RNF115: variants seen among roughly 807,000 people sequenced by gnomAD.
The protein encoded by RNF115 is ring finger protein 115.
A neutral mutation model predicts 39.2 loss-of-function variants in RNF115; 31 were observed. That is an observed-to-expected ratio of 0.79 (90% confidence interval 0.59 to 1.07). The LOEUF is 1.07. Among genes scored for constraint, RNF115 ranks in the 50% least tolerant of loss-of-function variants. The probability of loss-of-function intolerance (pLI) is 0.00; values close to 1 mark genes in which losing one functional copy is unlikely to be tolerated. For missense variants in RNF115, 384 were observed against 381.7 expected (o/e 1.01, Z -0.05); for synonymous variants, 124 against 131.0 (o/e 0.95, Z 0.37).
chr1:145,792,355 G>A (rs587635730), intron 1 of RNF115, among the ~76,000 whole-genome samples: 1 of 152,068 alleles, frequency 6.6e-6, no homozygotes, highest in Admixed American at 6.5e-5. Context: ...TAAAGAGATG[G>A]GGTCTCATTC....
In RNF115 at chr1:145,809,488, A is replaced by ATTTTTT. The variant is rs781918386; in HGVS notation, c.102+14278_102+14283dup. 2.5e-3 allele frequency among the ~76,000 whole-genome samples: 115 copies of ATTTTTT among 46,338 alleles called. 11 individuals carry two copies. Among genetic ancestry groups the ATTTTTT allele is most frequent in the African/African-American group, 0.01 (108 of 10,434 alleles). 30.4% of individuals were successfully genotyped at this position (46,338 alleles called of 152,430 possible). A position where few individuals can be genotyped will look rare whatever the true frequency, so the allele number is the denominator to read the frequency against. ...GCGCCACTGCACCCAGACCCAGCTA[A>ATTTTTT]TTTTTTTTTTTTTTTTTTTTTGGAG... is the stretch of plus-strand genomic sequence containing the variant. On this transcript the variant is annotated intron_variant, in intron 1 of 8. Coordinates refer to ENST00000582693, the MANE Select transcript of RNF115 (RefSeq NM_014455.4).
intron 1 of RNF115, among the ~76,000 whole-genome samples, chr1:145,798,039 A>ATAT (rs1553720361): frequency 6.6e-6 from 1 of 152,084 alleles, no homozygotes; most frequent in East Asian, 1.9e-4. Context: ...TACATTCTGG[A>ATAT]TATTAATACT....
At chr1:145,778,640 C>G (rs782807943) in intron 3 of RNF115, among the ~76,000 whole-genome samples, 1 of 152,138 alleles carries the variant, frequency 6.6e-6, no homozygotes, top group East Asian at 1.9e-4. Context: ...CTCATCACCC[C>G]GAAATGTTTC....
chr1:145,764,992 G>A (rs936677025), intron 4 of RNF115, among the ~76,000 whole-genome samples: 1 of 152,246 alleles, frequency 6.6e-6, no homozygotes, highest in Non-Finnish European at 1.5e-5. Flanking sequence ...GGGGAAAGGT[G>A]GGGAAGGGAT....
At chr1:145,809,035 T>C (rs1553722072) in intron 1 of RNF115, among the ~76,000 whole-genome samples, 1 of 152,144 alleles carries the variant, frequency 6.6e-6, no homozygotes, top group African/African-American at 2.4e-5. Context: ...CTCCTCTTCT[T>C]ATAAGCTCTC....
intron 2 of RNF115, 24 bp from the exon 3 acceptor site, chr1:145,784,620 T>C (rs1648295210): frequency 1.9e-6 from 3 of 1,609,188 alleles, no homozygotes; most frequent in Non-Finnish European, 2.6e-6. Flanking sequence ...GAATGAGTGG[T>C]GATTCTATTC....
intron 4 of RNF115, among the ~76,000 whole-genome samples, chr1:145,767,531 G>T (rs1241771577): frequency 6.6e-6 from 1 of 152,148 alleles, no homozygotes; most frequent in Admixed American, 6.5e-5. Flanking sequence ...CCAGACGATG[G>T]GCGGCCAGGC....
Position 145,787,150 on chromosome 1 carries a change from T to C in RNF115, c.161+1758A>G, listed in dbSNP as rs1355458987. 3 of 567,114 alleles carry C rather than the reference T, an allele frequency of 5.3e-6. No individual in the cohort carries two copies. In the Admixed American group the frequency reaches 7.2e-5, roughly 14 times the overall value. The allele number at this position is 567,114 out of a possible 1,614,324, so 35.1% of individuals were successfully genotyped here. A position where few individuals can be genotyped will look rare whatever the true frequency, so the allele number is the denominator to read the frequency against. Reference sequence around the variant, plus strand: ...GATTAAGAGGCTTCAGATTACAGATTCTTTTTGACCAGTCGGTACTTCTTC... The same window carrying C: ...GATTAAGAGGCTTCAGATTACAGATCCTTTTTGACCAGTCGGTACTTCTTC... On this transcript the variant is annotated intron_variant, in intron 2 of 8. Transcript: ENST00000582693.
intron 4 of RNF115, among the ~76,000 whole-genome samples, chr1:145,755,932 G>T (rs1658280020): frequency 6.6e-6 from 1 of 152,180 alleles, no homozygotes; most frequent in Non-Finnish European, 1.5e-5. Flanking sequence ...TTTCACTTTT[G>T]AAAGTACCTC....
At chr1:145,819,271 C>CAAAAAA (rs59058505) in intron 1 of RNF115, among the ~76,000 whole-genome samples, 3 of 52,256 alleles carry the variant, frequency 5.7e-5, no homozygotes, top group Non-Finnish European at 7.9e-5. Flanking sequence ...CCTTATCTCT[C>CAAAAAA]AAAAAAAAAA....
chr1:145,802,074 C>T lies in RNF115; in HGVS notation c.103-13108G>A, dbSNP rs112548055. Among the ~76,000 whole-genome samples the T allele has an allele frequency of 6.4e-3, 971 of 152,302 alleles. 11 individuals are homozygous for T. The highest frequency in any genetic ancestry group is 0.022 in the African/African-American group (930 of 41,566). ...AAGTGCTGGGATTACAGGCGTGAGC[C>T]ACCACGCCCAGCCGAGTCATTTCTA... On this transcript the variant is annotated intron_variant, in intron 1 of 8. Transcript: ENST00000582693.
chr1:145,769,828 G>A (rs1333670961), intron 4 of RNF115, among the ~76,000 whole-genome samples: 1 of 151,320 alleles, frequency 6.6e-6, no homozygotes, highest in African/African-American at 2.4e-5. Flanking sequence ...TCCAGCCTGG[G>A]CAACCTAGTC....
intron 2 of RNF115, chr1:145,787,038 G>A: frequency 7.8e-7 from 1 of 1,276,538 alleles, no homozygotes; most frequent in African/African-American, 1.5e-5. Flanking sequence ...TTTCCTGGTT[G>A]TGGAAGGGAC....
intron 7 of RNF115, among the ~76,000 whole-genome samples, chr1:145,749,465 A>G (rs181581751): frequency 1.3e-5 from 2 of 152,196 alleles, no homozygotes; most frequent in African/African-American, 4.8e-5. Flanking sequence ...CCTTACCCAA[A>G]CCAGGGTCCA....
chr1:145,749,237 C>T (rs1051537484), intron 7 of RNF115, among the ~76,000 whole-genome samples: 21 of 152,130 alleles, frequency 1.4e-4, no homozygotes, highest in Non-Finnish European at 2.1e-4. Context: ...CACCTTAGCC[C>T]TAATTCTTTT....
chr1:145,783,933 C>T (rs1553717786), intron 3 of RNF115, among the ~76,000 whole-genome samples: 4 of 151,900 alleles, frequency 2.6e-5, no homozygotes, highest in African/African-American at 9.7e-5. Flanking sequence ...AGAATGAAGA[C>T]TAATGCCCTG....
chr1:145,801,683 C>A (rs1553720909), intron 1 of RNF115, among the ~76,000 whole-genome samples: 1 of 152,168 alleles, frequency 6.6e-6, no homozygotes, highest in African/African-American at 2.4e-5. Flanking sequence ...TCACAACAAA[C>A]CTCTCCCCAA....
intron 4 of RNF115, among the ~76,000 whole-genome samples, chr1:145,762,329 A>G (rs1197969958): frequency 5.3e-5 from 8 of 152,130 alleles, no homozygotes; most frequent in African/African-American, 1.9e-4. Context: ...GCCATGTTAG[A>G]AGTGCCTTAG....
intron 4 of RNF115, among the ~76,000 whole-genome samples, chr1:145,762,211 T>C (rs1423099936): frequency 4.6e-5 from 7 of 152,206 alleles, no homozygotes; most frequent in African/African-American, 1.7e-4. Context: ...GGTTAATGCC[T>C]AAATGAATTA....
Sources: gnomAD v4.1 joint callset for allele counts (sites outside exome capture counted in the v4.1 genomes callset) on GRCh38, gnomAD v4.1.1 for gene constraint, MANE v1.5 for transcripts, NCBI Gene and HGNC (gene_info 2026-07-23, HGNC 2026-07-21) for gene names.